Variants in DNAAF9 observed in about 807,000 individuals in gnomAD.
DNAAF9 encodes shulin.
DNAAF9 carries 90 observed loss-of-function variants against 167.0 expected under a neutral mutation model. The ratio of observed to expected loss-of-function variants is 0.54; its 90% confidence interval spans 0.45 to 0.64. The LOEUF (loss-of-function observed/expected upper bound fraction) is 0.64, where lower values mean the gene tolerates loss of function less well. DNAAF9 is among the 30% of genes least tolerant of loss of function. The pLI is 0.00. For synonymous variants in DNAAF9, 491 were observed against 508.8 expected (o/e 0.96, Z 0.47); for missense variants, 1,315 against 1,442.2 (o/e 0.91, Z 1.43).
chr20:3,376,028 C>T (rs994754082), intron 4 of DNAAF9, 150 bp downstream of exon 4: 35 of 728,076 alleles, frequency 4.8e-5, no homozygotes, highest in African/African-American at 3.1e-4. Context: ...AGCCTCAAAA[C>T]GAAATATGAA....
At chr20:3,253,204 G>C (rs1225465060) in intron 36 of DNAAF9, among the ~76,000 whole-genome samples, 1 of 152,238 alleles carries the variant, frequency 6.6e-6, no homozygotes, top group African/African-American at 2.4e-5. Flanking sequence ...CACTTCAGGA[G>C]GCTGAGGTGG....
At chr20:3,299,099 G>A (rs1018001720) in intron 21 of DNAAF9, among the ~76,000 whole-genome samples, 18 of 151,632 alleles carry the variant, frequency 1.2e-4, no homozygotes, top group Non-Finnish European at 1.9e-4. Context: ...AGTAGAGACG[G>A]GGTTTCACTA....
At chr20:3,398,539 G>A (rs1307052412) in intron 1 of DNAAF9, among the ~76,000 whole-genome samples, 2 of 152,020 alleles carry the variant, frequency 1.3e-5, no homozygotes, top group Non-Finnish European at 2.9e-5. Flanking sequence ...TAGAGAAAAG[G>A]ATCTGCCTTA....
intron 7 of DNAAF9, among the ~76,000 whole-genome samples, chr20:3,357,600 T>C: frequency 6.6e-6 from 1 of 151,556 alleles, no homozygotes; most frequent in East Asian, 1.9e-4. Context: ...ATACTTCTTT[T>C]TCCTAATCCC....
chr20:3,270,565 G>A lies in DNAAF9; in HGVS notation c.2651-3C>T. Reference sequence around the variant, plus strand: ...GAATACCACGTTACTCACCAGGCCTGGGAATAAAACCAAGGACAGTTTAGC... The same window carrying A: ...GAATACCACGTTACTCACCAGGCCTAGGAATAAAACCAAGGACAGTTTAGC... On this transcript the variant is annotated splice_region_variant and splice_polypyrimidine_tract_variant and intron_variant, in intron 29 of 36. Transcript: ENST00000252032. 6.2e-7 allele frequency: 1 copy of A among 1,612,022 alleles called. No individual in the cohort carries two copies. The highest frequency in any genetic ancestry group is 8.5e-7 in the Non-Finnish European group (1 of 1,179,492).
At chr20:3,356,351 C>A (rs2083286985) in intron 7 of DNAAF9, among the ~76,000 whole-genome samples, 1 of 152,174 alleles carries the variant, frequency 6.6e-6, no homozygotes, top group African/African-American at 2.4e-5. Context: ...CCGGCCAGAT[C>A]TGAACTTTTA....
At chr20:3,295,340 C>T (rs8114419) in intron 23 of DNAAF9, among the ~76,000 whole-genome samples, 6,706 of 151,298 alleles carry the variant, frequency 0.044, 219 homozygotes, top group African/African-American at 0.094. Flanking sequence ...TCACCATGCC[C>T]GGATAGTTTT....
At chr20:3,395,663 A>G (rs1325678349) in intron 1 of DNAAF9, among the ~76,000 whole-genome samples, 1 of 152,122 alleles carries the variant, frequency 6.6e-6, no homozygotes, top group Non-Finnish European at 1.5e-5. Flanking sequence ...TATTATAATC[A>G]TACTGCATCT....
In DNAAF9 at chr20:3,344,183, G is replaced by T. The variant is rs959931511; in HGVS notation, c.790-452C>A. Among the ~76,000 whole-genome samples, 8 of 151,980 alleles carry T rather than the reference G, an allele frequency of 5.3e-5. 1 individual carries two copies. Among genetic ancestry groups the T allele is most frequent in the Admixed American group, 3.9e-4 (6 of 15,256 alleles). The stretch of plus-strand genomic sequence containing the variant: ...CAATACATTAATATATACAAATTCT[G>T]CTGTGCTAATCCAAGGAATTTCGAA... On this transcript the variant is annotated intron_variant, in intron 8 of 36. Transcript: ENST00000252032.
intron 31 of DNAAF9, among the ~76,000 whole-genome samples, chr20:3,260,410 A>G (rs999460578): frequency 2.6e-5 from 4 of 152,226 alleles, no homozygotes; most frequent in African/African-American, 9.6e-5. Flanking sequence ...TTTGCACACA[A>G]AAACTTGTTT....
chr20:3,304,362 A>G, intron 21 of DNAAF9, 78 bp downstream of exon 21: 1 of 766,392 alleles, frequency 1.3e-6, no homozygotes, highest in African/African-American at 1.7e-5. Context: ...GGAGGGGAGA[A>G]AGGAGTTATT....
At chr20:3,267,693 G>T (rs1421242711) in intron 30 of DNAAF9, among the ~76,000 whole-genome samples, 1 of 151,990 alleles carries the variant, frequency 6.6e-6, no homozygotes, top group East Asian at 1.9e-4. Context: ...AAATTAGTCT[G>T]GTATGGTGGT....
intron 21 of DNAAF9, among the ~76,000 whole-genome samples, chr20:3,300,932 C>T (rs2069174544): frequency 6.6e-6 from 1 of 150,714 alleles, no homozygotes; most frequent in African/African-American, 2.4e-5. Flanking sequence ...TATAAAAATA[C>T]AACAGAGAAG....
intron 1 of DNAAF9, among the ~76,000 whole-genome samples, chr20:3,395,673 T>C (rs1336755253): frequency 6.6e-6 from 1 of 152,232 alleles, no homozygotes; most frequent in Non-Finnish European, 1.5e-5. Context: ...ATACTGCATC[T>C]GGACAGTACT....
intron 1 of DNAAF9, among the ~76,000 whole-genome samples, chr20:3,391,578 C>CTTTTTTTT (rs34396355): frequency 2.5e-5 from 3 of 120,952 alleles, no homozygotes; most frequent in Admixed American, 9.3e-5. Context: ...TTTTTTCCTT[C>CTTTTTTTT]TTTTTTTTTT....
intron 21 of DNAAF9, among the ~76,000 whole-genome samples, chr20:3,301,192 T>C (rs1165449753): frequency 6.6e-6 from 1 of 150,880 alleles, no homozygotes; most frequent in Non-Finnish European, 1.5e-5. Flanking sequence ...TTTTTTTTTT[T>C]TTTTCTTTTT....
chr20:3,280,182 A>G (rs949991389), intron 28 of DNAAF9, among the ~76,000 whole-genome samples: 2 of 152,220 alleles, frequency 1.3e-5, no homozygotes, highest in African/African-American at 4.8e-5. Context: ...ATACAGCCAC[A>G]CCAGAGTCTC....
At chr20:3,369,989 T>A (rs1266653008) in intron 6 of DNAAF9, among the ~76,000 whole-genome samples, 1 of 152,188 alleles carries the variant, frequency 6.6e-6, no homozygotes, top group Non-Finnish European at 1.5e-5. Context: ...AAAAAATTGA[T>A]CTTTTTCTTT....
At chr20:3,296,008 G>A (rs1338576881) in intron 23 of DNAAF9, 24 of 1,382,016 alleles carry the variant, frequency 1.7e-5, no homozygotes, top group Middle Eastern at 1.8e-4. Context: ...TGTACACATC[G>A]GGAACTTCGG....
Sources: gnomAD v4.1 joint callset for allele counts (sites outside exome capture counted in the v4.1 genomes callset) on GRCh38, gnomAD v4.1.1 for gene constraint, MANE v1.5 for transcripts, NCBI Gene and HGNC (gene_info 2026-07-23, HGNC 2026-07-21) for gene names.